The following OPA1 variants were observed in gnomAD, a reference collection of about 807,000 sequenced individuals.
OPA1 encodes dynamin-like GTPase OPA1, mitochondrial.
OPA1 carries 59 observed loss-of-function variants against 152.9 expected under a neutral mutation model. The observed-to-expected ratio is 0.39, with a 90% confidence interval of 0.31 to 0.48. The LOEUF (loss-of-function observed/expected upper bound fraction) is 0.48, where lower values mean the gene tolerates loss of function less well. Among genes scored for constraint, OPA1 ranks in the 20% least tolerant of loss-of-function variants. The pLI, the probability that OPA1 is intolerant of heterozygous loss-of-function variation, is 0.96. For missense variants in OPA1, 1,008 were observed against 1,216.8 expected, an observed-to-expected ratio of 0.83 and a Z score of 2.55; for synonymous variants, 400 against 389.9, an observed-to-expected ratio of 1.03 and a Z score of -0.31.
intron 11 of OPA1, among the ~76,000 whole-genome samples, chr3:193,640,997 T>A (rs1733702431): frequency 6.6e-6 from 1 of 152,220 alleles, no homozygotes; most frequent in Non-Finnish European, 1.5e-5. Context: ...ACTGTGTGAC[T>A]GTACCAGACT....
At chr3:193,600,867 G>A (rs900870875) in intron 1 of OPA1, among the ~76,000 whole-genome samples, 11 of 152,150 alleles carry the variant, frequency 7.2e-5, no homozygotes, top group African/African-American at 2.7e-4. Context: ...TTTCTCTTGA[G>A]AGATTTCTTT....
chr3:193,620,602 C>T (rs774352683), intron 6 of OPA1, among the ~76,000 whole-genome samples: 11 of 140,140 alleles, frequency 7.8e-5, no homozygotes, highest in Non-Finnish European at 1.2e-4. Context: ...TGCTTATTTT[C>T]CCCATTAAAG....
intron 1 of OPA1, among the ~76,000 whole-genome samples, chr3:193,601,381 A>G (rs1342101986): frequency 6.6e-6 from 1 of 152,228 alleles, no homozygotes; most frequent in Non-Finnish European, 1.5e-5. Context: ...GGAGCAGGCC[A>G]GGCCAGATAA....
intron 29 of OPA1, among the ~76,000 whole-genome samples, chr3:193,675,355 C>T (rs1199019255): frequency 1.3e-5 from 2 of 148,734 alleles, no homozygotes; most frequent in South Asian, 2.1e-4. Context: ...AAAAAACACC[C>T]AATCAAGAAG....
chr3:193,631,716 A>C, intron 8 of OPA1, 51 bp downstream of exon 8: 2 of 1,482,250 alleles, frequency 1.3e-6, no homozygotes, highest in Non-Finnish European at 1.9e-6. Context: ...TTATATTCGA[A>C]TGTAACTTTG....
chr3:193,671,439 G>A (rs1717894661), intron 29 of OPA1, among the ~76,000 whole-genome samples: 1 of 152,152 alleles, frequency 6.6e-6, no homozygotes, highest in South Asian at 2.1e-4. Flanking sequence ...AAAGAGTGAA[G>A]AGCTGCTCCA....
Position 193,694,593 on chromosome 3 carries a change from T to C in OPA1, c.*6-13T>C, listed in dbSNP as rs1243357575. 2 of 152,218 alleles carry C rather than the reference T, an allele frequency of 1.3e-5. No individual in the cohort carries two copies. Among genetic ancestry groups the C allele is most frequent in the African/African-American group, 2.4e-5 (1 of 41,450 alleles). The allele number at this position is 152,218 out of a possible 1,614,324, so 9.4% of individuals were successfully genotyped here. On this transcript the variant is annotated splice_polypyrimidine_tract_variant and intron_variant, in intron 30 of 30. Transcript: ENST00000361510. Reference sequence around the variant, plus strand: ...CCCTGACCTCAGTTTGTTAAATGGGTTTATTTTTACAGAATCGTACTCATA... The same window carrying C: ...CCCTGACCTCAGTTTGTTAAATGGGCTTATTTTTACAGAATCGTACTCATA...
intron 1 of OPA1, among the ~76,000 whole-genome samples, chr3:193,611,133 T>C (rs1728174052): frequency 6.6e-6 from 1 of 152,206 alleles, no homozygotes; most frequent in South Asian, 2.1e-4. Context: ...TCGCTCAAGC[T>C]GGGAGCTGTA....
chr3:193,665,189 A>G (rs1451783503), intron 27 of OPA1, among the ~76,000 whole-genome samples, 193 bp downstream of exon 27: 1 of 152,052 alleles, frequency 6.6e-6, no homozygotes, highest in African/African-American at 2.4e-5. Flanking sequence ...TGATACGTGC[A>G]TATTATCCCC....
chr3:193,598,457 C>G (rs1038781889), intron 1 of OPA1, among the ~76,000 whole-genome samples: 1 of 151,958 alleles, frequency 6.6e-6, no homozygotes, highest in African/African-American at 2.4e-5. Flanking sequence ...TTTTGAGGGC[C>G]CTGTTGAGAT....
chr3:193,675,522 T>C (rs1006511946), intron 29 of OPA1, among the ~76,000 whole-genome samples: 1 of 152,052 alleles, frequency 6.6e-6, no homozygotes, highest in Non-Finnish European at 1.5e-5. Context: ...CCCTTTCTTT[T>C]TATGCACTTC....
rs184115665 is a variant in OPA1, at chr3:193,625,992, C to T, written c.679-100C>T. ...AGTTTCCATTTCTGTTTTAAGTTAA[C>T]CATCCCTCCCTAGCTTACATCTGTT... On this transcript the variant is annotated intron_variant, in intron 6 of 30. Transcript: ENST00000361510. 4,413 of 885,090 alleles carry T rather than the reference C, an allele frequency of 5.0e-3. 18 individuals carry two copies. Among genetic ancestry groups the T allele is most frequent in the Non-Finnish European group, 6.9e-3 (3,583 of 520,408 alleles). The allele number at this position is 885,090 out of a possible 1,614,324, so 54.8% of individuals were successfully genotyped here.
At chr3:193,679,342 A>G (rs1719757501) in intron 29 of OPA1, among the ~76,000 whole-genome samples, 1 of 152,202 alleles carries the variant, frequency 6.6e-6, no homozygotes, top group South Asian at 2.1e-4. Context: ...AAATGCTTCC[A>G]TGTAACTGCA....
At chr3:193,672,319 A>G (rs1718110039) in intron 29 of OPA1, among the ~76,000 whole-genome samples, 1 of 152,198 alleles carries the variant, frequency 6.6e-6, no homozygotes, top group African/African-American at 2.4e-5. Flanking sequence ...TCTGGGCATC[A>G]ATAACAATTG....
chr3:193,619,370 C>T (rs1272343746), intron 6 of OPA1, among the ~76,000 whole-genome samples: 3 of 151,972 alleles, frequency 2.0e-5, no homozygotes, highest in Non-Finnish European at 4.4e-5. Flanking sequence ...CATGGAACGT[C>T]GTATAGGGAC....
chr3:193,687,004 A>C (rs1473094940), intron 29 of OPA1, among the ~76,000 whole-genome samples: 1 of 152,134 alleles, frequency 6.6e-6, no homozygotes, highest in African/African-American at 2.4e-5. Context: ...TCCTGTTCTA[A>C]ACTGTTATTA....
chr3:193,625,818 T>C (rs1731025947), intron 6 of OPA1, among the ~76,000 whole-genome samples: 1 of 152,132 alleles, frequency 6.6e-6, no homozygotes, highest in Non-Finnish European at 1.5e-5. Flanking sequence ...ATATTTTTTA[T>C]ATATCTGGAT....
In OPA1 at chr3:193,648,110, T is replaced by C. The variant is rs1711515018; in HGVS notation, c.1911T>C (p.Tyr637=). ...TTGAAACTGAATGGAAGAATAACTA[T>C]CCTCGCCTGCGGGAACTTGACCGGG... ...FNLETEWKNN[Y]PRLRELDRNE... The change falls in exon 20 of 31, where the codon TAT becomes TAC. Residue 637 remains tyrosine (Y), a synonymous_variant. Transcript: ENST00000361510. 5.6e-6 allele frequency: 9 copies of C among 1,613,486 alleles called. No individual in the cohort carries two copies. Among genetic ancestry groups the C allele is most frequent in the Non-Finnish European group, 7.6e-6 (9 of 1,179,446 alleles).
rs1187169247 is a variant in OPA1, at chr3:193,694,611, T to C, written c.*11T>C. 6.6e-6 allele frequency: 1 copy of C among 152,202 alleles called. No homozygotes were observed. Among genetic ancestry groups the C allele is most frequent in the Non-Finnish European group, 1.5e-5 (1 of 68,036 alleles). 9.4% of individuals were successfully genotyped at this position (152,202 alleles called of 1,614,324 possible). On this transcript the variant is annotated 3_prime_UTR_variant, in exon 31 of 31. Transcript: ENST00000361510. The stretch of plus-strand genomic sequence containing the variant: ...AAATGGGTTTATTTTTACAGAATCG[T>C]ACTCATAATCAGCTCTGCATACATC...
Sources: allele counts gnomAD v4.1 joint callset (sites outside exome capture counted in the v4.1 genomes callset), GRCh38; gene constraint gnomAD v4.1.1; transcripts MANE v1.5; gene names NCBI Gene and HGNC (gene_info 2026-07-23, HGNC 2026-07-21).